Variants in ATP10B observed in about 807,000 individuals in gnomAD.
ATP10B encodes the protein ATPase phospholipid transporting 10B (putative).
ATP10B carries 122 observed loss-of-function variants against 141.2 expected under a neutral mutation model. The ratio of observed to expected loss-of-function variants is 0.86; its 90% CI spans 0.75 to 1.00. ATP10B has a LOEUF of 1.00. Ranked by LOEUF, ATP10B falls within the 50% of genes least tolerant of loss-of-function variation. The pLI is 0.00. For synonymous variants in ATP10B, 685 were observed against 692.0 expected (o/e 0.99, Z 0.16); for missense variants, 1,876 against 1,825.3 (o/e 1.03, Z -0.51).
At chr5:160,783,829 G>A (rs1770937746) in intron 2 of ATP10B, among the ~76,000 whole-genome samples, 1 of 151,984 alleles carries the variant, frequency 6.6e-6, no homozygotes, top group Admixed American at 6.6e-5. Context: ...CATAGTGGTT[G>A]TACTAGTTTA....
At chr5:160,928,459 T>C in the ATP10B span, among the ~76,000 whole-genome samples, 1 of 152,144 alleles carries the variant, frequency 6.6e-6, no homozygotes, top group Admixed American at 6.5e-5. Context: ...CTGTACACTT[T>C]GAAACTGGAA....
intron 1 of ATP10B, among the ~76,000 whole-genome samples, chr5:160,848,486 T>C (rs17058351): frequency 0.11 from 16,119 of 152,264 alleles, 998 homozygotes; most frequent in Middle Eastern, 0.15. Context: ...TACCAGCATT[T>C]CTCTAAATAC....
At chr5:160,708,746 T>C (rs567205415) in intron 3 of ATP10B, among the ~76,000 whole-genome samples, 1 of 152,322 alleles carries the variant, frequency 6.6e-6, no homozygotes, top group South Asian at 2.1e-4. Context: ...TCTGCTATGT[T>C]CCTATGGCAC....
chr5:160,792,488 G>A (rs771370254), intron 1 of ATP10B, among the ~76,000 whole-genome samples: 1 of 152,092 alleles, frequency 6.6e-6, no homozygotes, highest in Admixed American at 6.6e-5. Flanking sequence ...GAGCAGGCAT[G>A]GTATTTGCAG....
At chr5:160,654,305 C>G (rs1011538719) in intron 7 of ATP10B, among the ~76,000 whole-genome samples, 1 of 151,910 alleles carries the variant, frequency 6.6e-6, no homozygotes, top group African/African-American at 2.4e-5. Flanking sequence ...TTCTGATTCC[C>G]TTGTGAGACG....
At chr5:160,644,988 G>A (rs1372904906) in intron 8 of ATP10B, among the ~76,000 whole-genome samples, 1 of 151,914 alleles carries the variant, frequency 6.6e-6, no homozygotes, top group Non-Finnish European at 1.5e-5. Context: ...ATGGTGGCAG[G>A]TGCCTGTAAT....
chr5:160,903,156 G>A, the ATP10B span, among the ~76,000 whole-genome samples: 1 of 152,206 alleles, frequency 6.6e-6, no homozygotes, highest in African/African-American at 2.4e-5. Context: ...ATAGCTTATA[G>A]ACAGAGAAGC....
chr5:160,630,568 T>C (rs530154905), intron 13 of ATP10B, among the ~76,000 whole-genome samples: 3 of 152,194 alleles, frequency 2.0e-5, no homozygotes, highest in Non-Finnish European at 4.4e-5. Context: ...CTGTGCCTAA[T>C]GAGAATTCAC....
the ATP10B span, among the ~76,000 whole-genome samples, chr5:160,876,756 C>G: frequency 6.6e-6 from 1 of 151,222 alleles, no homozygotes; most frequent in Middle Eastern, 3.2e-3. Context: ...ACTACAAACA[C>G]CTCTACGCAA....
rs1038169454 is a variant in ATP10B at position 160,705,064 on chromosome 5, G to A, written c.-205+11845C>T. Among the ~76,000 whole-genome samples the A allele has an allele frequency of 5.3e-5, 8 of 151,492 alleles. No individual in the cohort carries two copies. The South Asian group carries it at 6.3e-4, about 12-fold the overall frequency. On this transcript the variant is annotated intron_variant, in intron 3 of 25. Coordinates refer to ENST00000327245, the MANE Select transcript of ATP10B (RefSeq NM_025153.3). The stretch of plus-strand genomic sequence containing the variant: ...CTCCCAAGTAGCTGAGACTACAGGC[G>A]CCCACCACCACACCCGGCTAATTTT...
chr5:160,805,306 T>C (rs1480430223), intron 1 of ATP10B, among the ~76,000 whole-genome samples: 1 of 152,222 alleles, frequency 6.6e-6, no homozygotes, highest in Non-Finnish European at 1.5e-5. Context: ...AATAATAATG[T>C]GTGTCTCCTG....
intron 2 of ATP10B, among the ~76,000 whole-genome samples, chr5:160,782,695 TAAG>T (rs1233158516): frequency 6.6e-6 from 1 of 152,182 alleles, no homozygotes; most frequent in African/African-American, 2.4e-5. Flanking sequence ...ATGATATAGC[TAAG>T]AATGACAGGT....
chr5:160,597,607 C>A (rs974839313), intron 22 of ATP10B, among the ~76,000 whole-genome samples: 28 of 151,918 alleles, frequency 1.8e-4, no homozygotes, highest in African/African-American at 6.3e-4. Context: ...AGTGAACAGG[C>A]AACCTACAAA....
intron 1 of ATP10B, among the ~76,000 whole-genome samples, chr5:160,805,900 A>G (rs1051835821): frequency 2.6e-5 from 4 of 152,200 alleles, no homozygotes; most frequent in Non-Finnish European, 5.9e-5. Context: ...AGGTCCTGCA[A>G]TCTGTCATCT....
intron 1 of ATP10B, among the ~76,000 whole-genome samples, chr5:160,824,221 T>G (rs1008763121): frequency 1.1e-4 from 16 of 152,098 alleles, no homozygotes; most frequent in African/African-American, 3.4e-4. Context: ...TTTCACCATG[T>G]TAGCCAGGAT....
intron 15 of ATP10B, 51 bp from the exon 16 acceptor site, chr5:160,618,024 TC>T (rs1758124979): frequency 7.2e-7 from 1 of 1,386,398 alleles, no homozygotes; most frequent in Non-Finnish European, 1.0e-6. Flanking sequence ...TGCTCAGGGA[TC>T]CCCATCCCCA....
At chr5:160,823,817 G>A (rs1774360716) in intron 1 of ATP10B, among the ~76,000 whole-genome samples, 1 of 152,072 alleles carries the variant, frequency 6.6e-6, no homozygotes, top group Non-Finnish European at 1.5e-5. Context: ...CTGGGCGACA[G>A]AGTGAGACTC....
intron 3 of ATP10B, among the ~76,000 whole-genome samples, chr5:160,701,452 G>A (rs967264603): frequency 1.9e-4 from 29 of 152,128 alleles, no homozygotes; most frequent in African/African-American, 7.0e-4. Context: ...ATTTATGATT[G>A]AGGGGCTATG....
intron 2 of ATP10B, among the ~76,000 whole-genome samples, chr5:160,718,085 A>C (rs1334740597): frequency 1.3e-5 from 2 of 152,230 alleles, no homozygotes. Flanking sequence ...CTAAAGAAAT[A>C]GGAGGGCTGC....
Sources: allele counts gnomAD v4.1 joint callset (sites outside exome capture counted in the v4.1 genomes callset), GRCh38; gene constraint gnomAD v4.1.1; transcripts MANE v1.5; gene names NCBI Gene and HGNC (gene_info 2026-07-23, HGNC 2026-07-21).